Variants in LRRC7 observed in about 807,000 individuals in gnomAD.
The protein encoded by LRRC7 is leucine-rich repeat-containing protein 7.
LRRC7 carries 23 observed loss-of-function variants against 175.7 expected under a neutral mutation model. The observed-to-expected ratio is 0.13, with a 90% CI of 0.09 to 0.19. The LOEUF (loss-of-function observed/expected upper bound fraction) is 0.19. LRRC7 is among the 10% of genes least tolerant of loss of function. The pLI is 1.00. For missense variants in LRRC7, 1,354 were observed against 1,904.7 expected, an observed-to-expected ratio of 0.71 and a Z score of 5.38; for synonymous variants, 685 against 680.9, an observed-to-expected ratio of 1.01 and a Z score of -0.09.
chr1:69,671,681 C>T (rs942094129), intron 1 of LRRC7, among the ~76,000 whole-genome samples: 7 of 152,146 alleles, frequency 4.6e-5, no homozygotes, highest in Admixed American at 4.6e-4. Flanking sequence ...TTTCCTGCTG[C>T]TGGGATGGGC....
intron 8 of LRRC7, among the ~76,000 whole-genome samples, chr1:69,942,539 C>T (rs1648831584): frequency 6.6e-6 from 1 of 152,002 alleles, no homozygotes; most frequent in Admixed American, 6.6e-5. Context: ...GGGCTGCACT[C>T]CTTCTAAAGG....
intron 26 of LRRC7, among the ~76,000 whole-genome samples, chr1:70,111,079 C>T (rs1229365081): frequency 6.6e-6 from 1 of 152,092 alleles, no homozygotes; most frequent in Non-Finnish European, 1.5e-5. Flanking sequence ...AAGAATGGCC[C>T]TCCCTAAGTG....
At chr1:69,858,164 GA>G (rs1683925114) in intron 7 of LRRC7, among the ~76,000 whole-genome samples, 1 of 152,118 alleles carries the variant, frequency 6.6e-6, no homozygotes, top group Non-Finnish European at 1.5e-5. Flanking sequence ...AACCCTAGAA[GA>G]AAACCTAGGC....
At chr1:69,738,996 T>C (rs1454908224) in intron 2 of LRRC7, among the ~76,000 whole-genome samples, 3 of 151,982 alleles carry the variant, frequency 2.0e-5, no homozygotes, top group Non-Finnish European at 2.9e-5. Context: ...AGCTTTTAGG[T>C]TACTGGGTAT....
chr1:69,694,840 A>G (rs1252645470), intron 2 of LRRC7, among the ~76,000 whole-genome samples: 2 of 152,040 alleles, frequency 1.3e-5, no homozygotes, highest in Admixed American at 6.6e-5. Context: ...CACTAGAAGC[A>G]GATGCTGGCA....
chr1:69,704,154 T>G (rs556834729), intron 2 of LRRC7, among the ~76,000 whole-genome samples: 2 of 152,178 alleles, frequency 1.3e-5, no homozygotes, highest in Admixed American at 1.3e-4. Flanking sequence ...AGTTATCTTT[T>G]TCTTTTCTTT....
chr1:69,961,131 A>G (rs1252116994), intron 8 of LRRC7, among the ~76,000 whole-genome samples: 2 of 152,214 alleles, frequency 1.3e-5, no homozygotes, highest in Non-Finnish European at 2.9e-5. Flanking sequence ...AACTTCAGCA[A>G]AGTCTCAGGA....
At chr1:70,085,833 G>A (rs1328687810) in intron 24 of LRRC7, among the ~76,000 whole-genome samples, 1 of 152,070 alleles carries the variant, frequency 6.6e-6, no homozygotes. Context: ...TTCCTCATTA[G>A]AATGTAAGTT....
At chr1:69,885,503 C>T (rs947015679) in intron 7 of LRRC7, among the ~76,000 whole-genome samples, 1 of 141,868 alleles carries the variant, frequency 7.0e-6, no homozygotes, top group Non-Finnish European at 1.5e-5. Flanking sequence ...TGATTCTTCT[C>T]TCTTTTTTTC....
chr1:69,794,895 G>T (rs1675539146), intron 4 of LRRC7, among the ~76,000 whole-genome samples: 1 of 152,130 alleles, frequency 6.6e-6, no homozygotes, highest in Non-Finnish European at 1.5e-5. Context: ...TTACCTCGGG[G>T]CTTTTAGCTA....
rs557665807 is a variant in LRRC7, at chr1:69,695,588, C to T, written c.100+17110C>T. Among the ~76,000 whole-genome samples the T allele has an allele frequency of 2.6e-5, 4 of 152,302 alleles. No homozygotes were observed. In the East Asian group the frequency reaches 7.7e-4, roughly 29 times the overall value. ...ATAGCCAAGAAATGGGAAAAAAGGC[C>T]TGAAAGGCCATCAGAAATCTTTGAG... On this transcript the variant is annotated intron_variant, in intron 2 of 26. Coordinates refer to ENST00000651989, the MANE Select transcript of LRRC7 (RefSeq NM_001370785.2).
intron 22 of LRRC7, among the ~76,000 whole-genome samples, chr1:70,047,490 C>T (rs998526254): frequency 2.6e-5 from 4 of 151,988 alleles, no homozygotes; most frequent in African/African-American, 9.7e-5. Flanking sequence ...TTGTCCTGCA[C>T]CAAGGCTGTC....
At chr1:69,823,436 TGTCATGAA>T (rs1394605176) in intron 4 of LRRC7, among the ~76,000 whole-genome samples, 1 of 152,166 alleles carries the variant, frequency 6.6e-6, no homozygotes, top group Non-Finnish European at 1.5e-5. Flanking sequence ...TTAAGAAAAA[TGTCATGAA>T]GTCTTTTTCA....
chr1:69,678,579 A>T, intron 2 of LRRC7, 101 bp downstream of exon 2: 1 of 786,104 alleles, frequency 1.3e-6, no homozygotes, highest in Non-Finnish European at 2.1e-6. Flanking sequence ...CAAGCAATAG[A>T]ATATTTGTTG....
At chr1:69,819,529 G>A (rs1347850232) in intron 4 of LRRC7, among the ~76,000 whole-genome samples, 1 of 150,608 alleles carries the variant, frequency 6.6e-6, no homozygotes, top group Non-Finnish European at 1.5e-5. Flanking sequence ...AGATTAATGT[G>A]TATTCTGCTG....
intron 11 of LRRC7, among the ~76,000 whole-genome samples, chr1:70,002,608 C>G (rs946642161): frequency 5.9e-5 from 9 of 152,098 alleles, no homozygotes; most frequent in Non-Finnish European, 2.9e-5. Flanking sequence ...GAGTATGGCC[C>G]AGAGGATTGT....
In LRRC7 at chr1:70,139,965, A is replaced by G. The variant is rs1277848152; in HGVS notation, c.*18078A>G. On this transcript the variant is annotated 3_prime_UTR_variant, in exon 27 of 27. Transcript: ENST00000651989. ...AAGTAAAATAATTATTTCCTTAATG[A>G]GAAACTTAATTCTAGGGTACTTACA... 1 of 152,158 alleles carries G rather than the reference A, an allele frequency of 6.6e-6. No homozygotes were observed. The highest frequency in any genetic ancestry group is 2.4e-5 in the African/African-American group (1 of 41,446). The allele number at this position is 152,158 out of a possible 1,614,324, so 9.4% of individuals were successfully genotyped here. A position where few individuals can be genotyped will look rare whatever the true frequency, so the allele number is the denominator to read the frequency against.
At chr1:69,906,362 A>G (rs1300186092) in intron 7 of LRRC7, among the ~76,000 whole-genome samples, 6 of 151,886 alleles carry the variant, frequency 4.0e-5, no homozygotes, top group African/African-American at 1.2e-4. Flanking sequence ...AGTATTGCCT[A>G]GGTTTTCTTC....
intron 2 of LRRC7, among the ~76,000 whole-genome samples, chr1:69,725,858 T>C (rs1264196795): frequency 6.6e-6 from 1 of 152,188 alleles, no homozygotes; most frequent in African/African-American, 2.4e-5. Context: ...GTGCCCTGAG[T>C]GTTCCGATAC....
Sources: gnomAD v4.1 joint callset for allele counts (sites outside exome capture counted in the v4.1 genomes callset) on GRCh38, gnomAD v4.1.1 for gene constraint, MANE v1.5 for transcripts, NCBI Gene and HGNC (gene_info 2026-07-23, HGNC 2026-07-21) for gene names.